PCDHGA1: variants seen among roughly 807,000 people sequenced by gnomAD.
The protein encoded by PCDHGA1 is protocadherin gamma-A1.
In PCDHGA1, 32 loss-of-function variants were observed where a neutral mutation model predicts 58.0. The observed-to-expected ratio is 0.55, with a 90% CI of 0.42 to 0.74. The LOEUF (loss-of-function observed/expected upper bound fraction) is 0.74, where lower values mean the gene tolerates loss of function less well. Among genes scored for constraint, PCDHGA1 ranks in the 30% least tolerant of loss-of-function variants. PCDHGA1 has a pLI of 0.00. For synonymous variants in PCDHGA1, 498 were observed against 501.1 expected (o/e 0.99, Z 0.08); for missense variants, 1,205 against 1,182.3 (o/e 1.02, Z -0.28).
At chr5:141,379,868 T>C (rs1775901267) in intron 1 of PCDHGA1, among the ~76,000 whole-genome samples, 1 of 149,208 alleles carries the variant, frequency 6.7e-6, no homozygotes, top group African/African-American at 2.5e-5. Flanking sequence ...CTTATTCTTA[T>C]TTTATGGTCT....
At chr5:141,417,940 C>G in intron 1 of PCDHGA1, 2 of 1,613,052 alleles carry the variant, frequency 1.2e-6, no homozygotes, top group Non-Finnish European at 1.7e-6. Context: ...TGTTCTACCC[C>G]ACGCTGTGTG....
rs777115265 is a variant in PCDHGA1, at chr5:141,485,247, G to C, written c.2422-9560G>C. ...CTTTTGTTCCTCTTTTACCACCTGG[G>C]TTACGTTTGTGGGCAGATCCGCTAC... On this transcript the variant is annotated intron_variant, in intron 1 of 3. Coordinates refer to ENST00000517417, the MANE Select transcript of PCDHGA1 (RefSeq NM_018912.3). This position sits in a 1 kb window ranked among gnomAD's most constrained non-coding sequence, Gnocchi z 5.7. 8.7e-6 allele frequency: 14 copies of C among 1,614,156 alleles called. No homozygotes were observed. In the African/African-American group the frequency reaches 1.6e-4, roughly 18 times the overall value.
intron 1 of PCDHGA1, chr5:141,394,704 G>A (rs1357305999): frequency 1.2e-6 from 2 of 1,613,268 alleles, no homozygotes; most frequent in East Asian, 2.2e-5. Context: ...CACGGCGCGA[G>A]CCCTGCTGGA....
At chr5:141,480,205 A>G (rs2099514310) in intron 1 of PCDHGA1, among the ~76,000 whole-genome samples, 1 of 151,108 alleles carries the variant, frequency 6.6e-6, no homozygotes, top group Admixed American at 6.6e-5. Flanking sequence ...GCAGTTCAAG[A>G]CCAGCCTGAG....
chr5:141,493,330 A>G lies in PCDHGA1; in HGVS notation c.2422-1477A>G, dbSNP rs979607147. 6.6e-6 allele frequency among the ~76,000 whole-genome samples: 1 copy of G among 152,182 alleles called. No homozygotes were observed. Among genetic ancestry groups the G allele is most frequent in the Non-Finnish European group, 1.5e-5 (1 of 68,020 alleles). On this transcript the variant is annotated intron_variant, in intron 1 of 3. Coordinates refer to ENST00000517417, the MANE Select transcript of PCDHGA1 (RefSeq NM_018912.3). The surrounding 1 kb of genome is among the most constrained non-coding windows in gnomAD (Gnocchi z 4.3). ...GTAAGAGAGATTCTAACCCCTGTCT[A>G]ACTCCAGAATGTGTGCTTTTAATTT... is the stretch of plus-strand genomic sequence containing the variant.
At chr5:141,413,460 C>T (rs1561742736) in intron 1 of PCDHGA1, 4 of 1,613,974 alleles carry the variant, frequency 2.5e-6, no homozygotes, top group Middle Eastern at 1.6e-4. Context: ...GCAGGATAGA[C>T]CGGGAGGAGC....
rs549557253 is a variant in PCDHGA1 at position 141,503,310 on chromosome 5, T to C, written c.2481-2083T>C. 2.6e-5 allele frequency among the ~76,000 whole-genome samples: 4 copies of C among 152,176 alleles called. No homozygotes were observed. The East Asian group carries it at 7.7e-4, about 29-fold the overall frequency. On this transcript the variant is annotated intron_variant, in intron 2 of 3. Coordinates refer to ENST00000517417, the MANE Select transcript of PCDHGA1 (RefSeq NM_018912.3). ...TACATAGAAATTGCTCAAGAAAGAA[T>C]TGTTGGAGGGGCGCGGTGGCTCACG...
chr5:141,357,839 G>A, intron 1 of PCDHGA1: 1 of 640,618 alleles, frequency 1.6e-6, no homozygotes, highest in East Asian at 3.0e-5. Context: ...TCATTCAGTT[G>A]TAGTTTCAGC....
At chr5:141,370,684 G>A in intron 1 of PCDHGA1, 1 of 1,613,842 alleles carries the variant, frequency 6.2e-7, no homozygotes, top group Non-Finnish European at 8.5e-7. Context: ...GAGATTTGTG[G>A]CAAGAAGTCG....
At chr5:141,423,397 C>T (rs759822483) in intron 1 of PCDHGA1, 3 of 1,614,146 alleles carry the variant, frequency 1.9e-6, no homozygotes, top group East Asian at 2.2e-5. Context: ...GCATAAGTCA[C>T]GCCTGCTGCA....
At chr5:141,427,450 CT>C in intron 1 of PCDHGA1, 1 of 486,442 alleles carries the variant, frequency 2.1e-6, no homozygotes, top group South Asian at 1.5e-5. Flanking sequence ...GAAAGAGTTC[CT>C]TTTAGAATCG....
intron 1 of PCDHGA1, chr5:141,383,374 G>T: frequency 6.2e-7 from 1 of 1,614,028 alleles, no homozygotes. Context: ...CGAGGCTGGG[G>T]ATCCAGATGT....
intron 1 of PCDHGA1, chr5:141,478,342 G>T (rs1489278202): frequency 6.2e-7 from 1 of 1,613,862 alleles, no homozygotes; most frequent in Non-Finnish European, 8.5e-7. Flanking sequence ...GGCCCTCCTT[G>T]CACGCGGACG....
chr5:141,415,657 G>C, intron 1 of PCDHGA1: 1 of 1,576,238 alleles, frequency 6.3e-7, no homozygotes, highest in Non-Finnish European at 8.6e-7. Context: ...AAAAAAGATT[G>C]GTTTTTACTT....
chr5:141,371,897 G>A, intron 1 of PCDHGA1: 1 of 1,613,408 alleles, frequency 6.2e-7, no homozygotes, highest in Non-Finnish European at 8.5e-7. Flanking sequence ...CGCGGGAGCT[G>A]TCGTCCTACG....
intron 1 of PCDHGA1, chr5:141,433,208 C>CT (rs745329085): frequency 0.022 from 27,155 of 1,216,152 alleles, no homozygotes; most frequent in Non-Finnish European, 0.026. Flanking sequence ...AATCTTCTTT[C>CT]TTTTTTTTTT....
chr5:141,508,994 A>G (rs2099873731), intron 3 of PCDHGA1, among the ~76,000 whole-genome samples: 1 of 152,052 alleles, frequency 6.6e-6, no homozygotes, highest in South Asian at 2.1e-4. Flanking sequence ...CAGCTGGGGT[A>G]GGAGAGGAGG....
At chr5:141,410,404 G>A (rs79498912) in intron 1 of PCDHGA1, 32,650 of 1,614,014 alleles carry the variant, frequency 0.02, 588 homozygotes, top group African/African-American at 0.088. Context: ...TCTGTGTCAA[G>A]TCTGGACCTG....
At chr5:141,384,046 A>T (rs372405767) in intron 1 of PCDHGA1, 1 of 1,612,316 alleles carries the variant, frequency 6.2e-7, no homozygotes, top group Admixed American at 1.7e-5. Context: ...TGGTGAGGTG[A>T]CCTGCACCAT....
Sources: allele counts gnomAD v4.1 joint callset (sites outside exome capture counted in the v4.1 genomes callset), GRCh38; gene constraint gnomAD v4.1.1; non-coding constraint Gnocchi (gnomAD v3.1); transcripts MANE v1.5; gene names NCBI Gene and HGNC (gene_info 2026-07-23, HGNC 2026-07-21).